Variants in FHIT observed in about 807,000 individuals in gnomAD.
FHIT encodes the protein fragile histidine triad diadenosine triphosphatase, also known as bis(5'-adenosyl)-triphosphatase.
A neutral mutation model predicts 17.9 loss-of-function variants in FHIT; 19 were observed. That is an observed-to-expected ratio of 1.06 (90% CI 0.74 to 1.56). FHIT has a LOEUF of 1.56. FHIT is among the 40% of genes most tolerant of loss of function. The probability of loss-of-function intolerance (pLI) is 0.00; values close to 1 mark genes in which losing one functional copy is unlikely to be tolerated. For missense variants in FHIT, 248 were observed against 189.2 expected, an observed-to-expected ratio of 1.31 and a Z score of -1.82; for synonymous variants, 81 against 69.7, an observed-to-expected ratio of 1.16 and a Z score of -0.81.
intron 4 of FHIT, among the ~76,000 whole-genome samples, chr3:60,618,819 G>C (rs1273388980): frequency 6.6e-6 from 1 of 152,134 alleles, no homozygotes. Context: ...GAATGATGCT[G>C]TATAAGACAG....
At chr3:59,921,086 C>G (rs1229917408) in intron 8 of FHIT, among the ~76,000 whole-genome samples, 1 of 152,206 alleles carries the variant, frequency 6.6e-6, no homozygotes. Context: ...TATTTCCACT[C>G]TACACACATC....
intron 2 of FHIT, among the ~76,000 whole-genome samples, chr3:61,107,318 A>T (rs1164397400): frequency 6.6e-6 from 1 of 152,176 alleles, no homozygotes. Flanking sequence ...TCTTTTATTA[A>T]GGCTGAATAA....
At chr3:60,070,573 G>A (rs1012932705) in intron 5 of FHIT, among the ~76,000 whole-genome samples, 31 of 152,122 alleles carry the variant, frequency 2.0e-4, no homozygotes, top group Non-Finnish European at 1.5e-5. Context: ...GATTAGGGAA[G>A]ACAAACAAAG....
chr3:60,750,046 T>C (rs1280934661), intron 4 of FHIT, among the ~76,000 whole-genome samples: 3 of 152,136 alleles, frequency 2.0e-5, no homozygotes, highest in Admixed American at 2.0e-4. Flanking sequence ...GTCAAAGCCA[T>C]ATAACTAGTA....
rs186238864 is a variant in FHIT, at chr3:59,880,714, T to G, written c.348+41632A>C. ...TGAGATAGTATCAGGCATACAGGAA[T>G]CCATCAATCAGCTGCTGTTTTTATA... On this transcript the variant is annotated intron_variant, in intron 8 of 9. Transcript: ENST00000492590. Among the ~76,000 whole-genome samples the G allele has an allele frequency of 9.5e-4, 145 of 152,310 alleles. 1 individual carries two copies. The highest frequency in any genetic ancestry group is 1.7e-3 in the Non-Finnish European group (117 of 68,032).
rs111647641 is a variant in FHIT, at chr3:60,621,905, C to T, written c.-17-84926G>A. ...AAAAAAATACAATTACATGGTCTGA[C>T]AGTTAAATTCTAGAGAGAATCAACC... On this transcript the variant is annotated intron_variant, in intron 4 of 9. Coordinates refer to ENST00000492590, the MANE Select transcript of FHIT (RefSeq NM_002012.4). 2.6e-3 allele frequency among the ~76,000 whole-genome samples: 388 copies of T among 151,848 alleles called. 2 individuals carry two copies. The highest frequency in any genetic ancestry group is 9.0e-3 in the African/African-American group (373 of 41,394).
At chr3:61,201,962 A>G (rs1460673773) in intron 1 of FHIT, among the ~76,000 whole-genome samples, 14 of 150,848 alleles carry the variant, frequency 9.3e-5, no homozygotes, top group Admixed American at 7.9e-4. Context: ...GTGTATATAT[A>G]TGTGTGTGTA....
chr3:60,187,531 A>G (rs969381389), intron 5 of FHIT, among the ~76,000 whole-genome samples: 3 of 152,172 alleles, frequency 2.0e-5, no homozygotes, highest in African/African-American at 7.2e-5. Flanking sequence ...CTTTGTGTTA[A>G]TGAGTCTTCA....
chr3:60,870,022 T>C (rs1553754704), intron 3 of FHIT, among the ~76,000 whole-genome samples: 2 of 152,294 alleles, frequency 1.3e-5, no homozygotes, highest in Non-Finnish European at 1.5e-5. Flanking sequence ...CAATAAATAT[T>C]GTGGGTACCT....
rs952357316 is a variant in FHIT at position 61,133,904 on chromosome 3, C to T, written c.-164+66713G>A. ...GAGTTCAAGACCAGCCTAGCTAACACGGTGAAACCCCATCTCTACTAAAAG... is the reference window on the plus strand; with the variant it reads ...GAGTTCAAGACCAGCCTAGCTAACATGGTGAAACCCCATCTCTACTAAAAG... On this transcript the variant is annotated intron_variant, in intron 2 of 9. Transcript: ENST00000492590. Among the ~76,000 whole-genome samples the T allele has an allele frequency of 9.2e-5, 14 of 152,050 alleles. No individual in the cohort carries two copies. In the South Asian group the frequency reaches 1.0e-3, roughly 11 times the overall value.
intron 4 of FHIT, among the ~76,000 whole-genome samples, chr3:60,804,554 G>C (rs1701315608): frequency 6.6e-6 from 1 of 152,176 alleles, no homozygotes; most frequent in Non-Finnish European, 1.5e-5. Context: ...ACATTACTAC[G>C]AGTAGGAACG....
chr3:60,048,141 G>A (rs535974863), intron 5 of FHIT, among the ~76,000 whole-genome samples: 1 of 152,120 alleles, frequency 6.6e-6, no homozygotes, highest in East Asian at 1.9e-4. Context: ...ACCAGATTGG[G>A]ACCCACCGTA....
chr3:60,416,540 T>G (rs1702254518), intron 5 of FHIT, among the ~76,000 whole-genome samples: 1 of 152,214 alleles, frequency 6.6e-6, no homozygotes, highest in South Asian at 2.1e-4. Flanking sequence ...CTTGGCTGTG[T>G]TTTAATAAAA....
At chr3:60,242,842 T>C (rs540166828) in intron 5 of FHIT, among the ~76,000 whole-genome samples, 1 of 152,102 alleles carries the variant, frequency 6.6e-6, no homozygotes, top group South Asian at 2.1e-4. Flanking sequence ...CATATATATA[T>C]ATTTATATAA....
At chr3:60,155,925 C>G (rs1040337) in intron 5 of FHIT, among the ~76,000 whole-genome samples, 1 of 151,970 alleles carries the variant, frequency 6.6e-6, no homozygotes, top group Non-Finnish European at 1.5e-5. Context: ...AGACATAAAG[C>G]GTGCAAAAGC....
At chr3:60,302,603 A>T (rs1267395882) in intron 5 of FHIT, among the ~76,000 whole-genome samples, 1 of 152,170 alleles carries the variant, frequency 6.6e-6, no homozygotes, top group Non-Finnish European at 1.5e-5. Flanking sequence ...GTTGATTAGT[A>T]TAAGCAACTA....
chr3:60,837,749 TAA>T (rs372743435), intron 3 of FHIT, among the ~76,000 whole-genome samples: 20 of 152,278 alleles, frequency 1.3e-4, no homozygotes, highest in African/African-American at 4.6e-4. Context: ...TTGATTTATC[TAA>T]AGTGTCTTTC....
chr3:60,488,630 A>G (rs191391772), intron 5 of FHIT, among the ~76,000 whole-genome samples: 1 of 152,158 alleles, frequency 6.6e-6, no homozygotes, highest in Non-Finnish European at 1.5e-5. Flanking sequence ...GCTATGTACA[A>G]TAGAAATATT....
chr3:61,219,424 A>G (rs2039776730), intron 1 of FHIT, among the ~76,000 whole-genome samples: 1 of 152,188 alleles, frequency 6.6e-6, no homozygotes, highest in African/African-American at 2.4e-5. Context: ...TTCTTGTTCC[A>G]GAGTATAGAT....
Sources: allele counts gnomAD v4.1 joint callset (sites outside exome capture counted in the v4.1 genomes callset), GRCh38; gene constraint gnomAD v4.1.1; transcripts MANE v1.5; gene names NCBI Gene and HGNC (gene_info 2026-07-23, HGNC 2026-07-21).